Variants in RPS6KC1 observed in about 807,000 individuals in gnomAD.
RPS6KC1 encodes the protein inactive ribosomal protein S6 kinase delta-1.
RPS6KC1 carries 54 observed loss-of-function variants against 103.8 expected under a neutral mutation model. The ratio of observed to expected loss-of-function variants is 0.52; its 90% CI spans 0.42 to 0.65. The LOEUF is 0.65. Ranked by LOEUF, RPS6KC1 falls within the 30% of genes least tolerant of loss-of-function variation. The probability of loss-of-function intolerance (pLI) is 0.00; values close to 1 mark genes in which losing one functional copy is unlikely to be tolerated. For synonymous variants in RPS6KC1, 439 were observed against 438.7 expected, an observed-to-expected ratio of 1.00 and a Z score of -0.01; for missense variants, 1,151 against 1,253.8, an observed-to-expected ratio of 0.92 and a Z score of 1.24.
chr1:213,724,455 G>A, the RPS6KC1 span, among the ~76,000 whole-genome samples: 1 of 152,146 alleles, frequency 6.6e-6, no homozygotes, highest in African/African-American at 2.4e-5. Context: ...CTGGTCACTT[G>A]TCTCGCCAAT....
At chr1:213,348,128 A>C in the RPS6KC1 span, among the ~76,000 whole-genome samples, 1 of 152,166 alleles carries the variant, frequency 6.6e-6, no homozygotes, top group Non-Finnish European at 1.5e-5. Flanking sequence ...ACTGAACATG[A>C]GAACCAACCG....
chr1:213,163,668 G>A (rs941651753), intron 6 of RPS6KC1, among the ~76,000 whole-genome samples: 1 of 151,870 alleles, frequency 6.6e-6, no homozygotes, highest in African/African-American at 2.4e-5. Flanking sequence ...GAGTAAAAAT[G>A]CCTCTTGATT....
chr1:213,254,617 TG>T (rs2094602868), intron 12 of RPS6KC1, among the ~76,000 whole-genome samples: 1 of 152,342 alleles, frequency 6.6e-6, no homozygotes, highest in African/African-American at 2.4e-5. Flanking sequence ...GAGGTCTGGC[TG>T]TTCTCATTTT....
intron 8 of RPS6KC1, among the ~76,000 whole-genome samples, chr1:213,220,551 C>T (rs933696324): frequency 3.9e-5 from 6 of 152,158 alleles, no homozygotes; most frequent in African/African-American, 1.4e-4. Flanking sequence ...GTCTCGAACT[C>T]CTGGCCTCAG....
chr1:213,493,646 G>A, the RPS6KC1 span, among the ~76,000 whole-genome samples: 1 of 152,194 alleles, frequency 6.6e-6, no homozygotes, highest in Non-Finnish European at 1.5e-5. Context: ...GTAGATACTA[G>A]GGGAGTTGAT....
the RPS6KC1 span, among the ~76,000 whole-genome samples, chr1:213,466,262 T>A: frequency 6.6e-6 from 1 of 152,142 alleles, no homozygotes; most frequent in Admixed American, 6.6e-5. Context: ...AGTTAAGATT[T>A]TAGAGGGGTC....
At chr1:213,758,525 C>T in the RPS6KC1 span, among the ~76,000 whole-genome samples, 31 of 151,820 alleles carry the variant, frequency 2.0e-4, no homozygotes, top group African/African-American at 6.5e-4. Context: ...TTGCAGTAAG[C>T]CGAGACCACA....
At chr1:213,850,636 T>C in the RPS6KC1 span, among the ~76,000 whole-genome samples, 1 of 152,216 alleles carries the variant, frequency 6.6e-6, no homozygotes, top group Non-Finnish European at 1.5e-5. Flanking sequence ...GCATTACACT[T>C]AGGCTTAGAG....
chr1:213,092,483 A>G (rs1456892281), intron 3 of RPS6KC1, among the ~76,000 whole-genome samples: 1 of 149,402 alleles, frequency 6.7e-6, no homozygotes, highest in Non-Finnish European at 1.5e-5. Context: ...AATCCTGGCT[A>G]ACATGGTGAA....
At chr1:213,848,908 G>A in the RPS6KC1 span, among the ~76,000 whole-genome samples, 324 of 152,144 alleles carry the variant, frequency 2.1e-3, no homozygotes, top group African/African-American at 7.6e-3. Flanking sequence ...GAGGAATCCC[G>A]GGGCATTAAG....
chr1:213,241,269 T>C lies in RPS6KC1; in HGVS notation c.1793T>C (p.Met598Thr). The C allele has an allele frequency of 1.2e-6, 2 of 1,613,884 alleles. No homozygotes were observed. Among genetic ancestry groups the C allele is most frequent in the Non-Finnish European group, 1.7e-6 (2 of 1,179,898 alleles). ...DSLSRSKNSP[M>T]EFFRIDSKDS... The stretch of plus-strand genomic sequence containing the variant: ...CTCAGTAGATCAAAAAATAGCCCCA[T>C]GGAATTCTTTAGGATAGACAGTAAG... The change falls in exon 11 of 15, where the codon ATG becomes ACG. Residue 598 changes from methionine (M) to threonine (T), a missense_variant. Transcript: ENST00000366960.
the RPS6KC1 span, among the ~76,000 whole-genome samples, chr1:213,333,586 A>G: frequency 6.6e-6 from 1 of 152,120 alleles, no homozygotes; most frequent in African/African-American, 2.4e-5. Flanking sequence ...GCTCTTTCCT[A>G]TGTACCTGTG....
intron 7 of RPS6KC1, among the ~76,000 whole-genome samples, chr1:213,169,885 G>A (rs1313837390): frequency 2.0e-5 from 3 of 151,286 alleles, no homozygotes; most frequent in Non-Finnish European, 4.4e-5. Flanking sequence ...GGGTTCAGGC[G>A]ATTCTCCTGC....
At chr1:213,781,010 G>A in the RPS6KC1 span, among the ~76,000 whole-genome samples, 3 of 152,158 alleles carry the variant, frequency 2.0e-5, no homozygotes, top group South Asian at 2.1e-4. Context: ...GTAACAGAGC[G>A]AGATTCTGTC....
At chr1:213,636,844 G>T in the RPS6KC1 span, among the ~76,000 whole-genome samples, 4 of 151,784 alleles carry the variant, frequency 2.6e-5, no homozygotes, top group African/African-American at 9.7e-5. Flanking sequence ...CAGAATGGGA[G>T]AAAAATTTTT....
chr1:213,703,495 A>G, the RPS6KC1 span, among the ~76,000 whole-genome samples: 1 of 152,082 alleles, frequency 6.6e-6, no homozygotes, highest in South Asian at 2.1e-4. Flanking sequence ...TTTCATCCTG[A>G]CTGAAGTACT....
At chr1:213,675,561 G>C in the RPS6KC1 span, among the ~76,000 whole-genome samples, 7 of 152,136 alleles carry the variant, frequency 4.6e-5, no homozygotes, top group Non-Finnish European at 8.8e-5. Flanking sequence ...CCTGCATACT[G>C]CTCTTAGAGT....
At chr1:213,184,128 A>T (rs2092418211) in intron 8 of RPS6KC1, among the ~76,000 whole-genome samples, 1 of 152,142 alleles carries the variant, frequency 6.6e-6, no homozygotes, top group Non-Finnish European at 1.5e-5. Flanking sequence ...ACTAAGATGA[A>T]ATCTTGAGGC....
the RPS6KC1 span, among the ~76,000 whole-genome samples, chr1:213,349,594 T>C: frequency 6.6e-6 from 1 of 152,220 alleles, no homozygotes; most frequent in African/African-American, 2.4e-5. Context: ...GGATCATAGA[T>C]GGGCAAACAG....
Sources: allele counts gnomAD v4.1 joint callset (sites outside exome capture counted in the v4.1 genomes callset), GRCh38; gene constraint gnomAD v4.1.1; transcripts MANE v1.5; gene names NCBI Gene and HGNC (gene_info 2026-07-23, HGNC 2026-07-21).